Variants in LRRC37A2 observed in about 807,000 individuals in gnomAD.
LRRC37A2 encodes the protein leucine rich repeat containing 37 member A2, also known as leucine-rich repeat-containing protein 37A2.
In LRRC37A2, 9 loss-of-function variants were observed where a neutral mutation model predicts 68.8. The observed-to-expected ratio is 0.13, with a 90% CI of 0.08 to 0.23. LRRC37A2 has a LOEUF of 0.23. LRRC37A2 is among the 10% of genes least tolerant of loss of function. The pLI, the probability that LRRC37A2 is intolerant of heterozygous loss-of-function variation, is 1.00. For synonymous variants in LRRC37A2, 63 were observed against 367.6 expected, an observed-to-expected ratio of 0.17 and a Z score of 9.48; for missense variants, 168 against 950.4, an observed-to-expected ratio of 0.18 and a Z score of 10.82.
the LRRC37A2 span, chr17:46,911,472 C>T: frequency 6.6e-6 from 1 of 152,248 alleles, no homozygotes; most frequent in Non-Finnish European, 1.5e-5. Flanking sequence ...CTGGTGCTTA[C>T]ATGCCCAAGG....
the LRRC37A2 span, among the ~76,000 whole-genome samples, chr17:46,954,808 C>G: frequency 3.7e-4 from 57 of 152,298 alleles, no homozygotes; most frequent in East Asian, 6.9e-3. Flanking sequence ...GGAGTTCACT[C>G]ATGATTTGGC....
chr17:46,995,855 C>A, the LRRC37A2 span, among the ~76,000 whole-genome samples: 2 of 152,210 alleles, frequency 1.3e-5, no homozygotes, highest in Non-Finnish European at 2.9e-5. Context: ...CCTGAGTTCC[C>A]GCCTTGGTCA....
the LRRC37A2 span, among the ~76,000 whole-genome samples, chr17:46,823,166 T>TA: frequency 7.8e-6 from 1 of 128,534 alleles, no homozygotes; most frequent in Non-Finnish European, 1.6e-5. Context: ...ATATTATATA[T>TA]TATATATTTA....
At chr17:46,985,688 T>C in the LRRC37A2 span, among the ~76,000 whole-genome samples, 3 of 152,214 alleles carry the variant, frequency 2.0e-5, no homozygotes, top group East Asian at 5.8e-4. Context: ...TTTGGACATC[T>C]GTGATCTACT....
the LRRC37A2 span, among the ~76,000 whole-genome samples, chr17:46,839,089 G>A: frequency 6.6e-6 from 1 of 152,108 alleles, no homozygotes; most frequent in Non-Finnish European, 1.5e-5. Flanking sequence ...TGTTGGCCAA[G>A]CTGGTCTCGA....
the LRRC37A2 span, among the ~76,000 whole-genome samples, chr17:46,599,840 C>T: frequency 7.1e-3 from 337 of 47,218 alleles, 14 homozygotes; most frequent in African/African-American, 0.032. Context: ...CAACTCCAGC[C>T]TGGGCCACAA....
chr17:46,859,828 G>T, the LRRC37A2 span, among the ~76,000 whole-genome samples: 1 of 152,090 alleles, frequency 6.6e-6, no homozygotes, highest in African/African-American at 2.4e-5. Context: ...TTGCACACAG[G>T]CCATATCTTT....
the LRRC37A2 span, chr17:46,713,789 C>T: frequency 6.5e-7 from 1 of 1,537,842 alleles, no homozygotes; most frequent in African/African-American, 1.4e-5. Flanking sequence ...AAAGTTTAAA[C>T]TTGTTTTATT....
At chr17:46,723,495 A>T in the LRRC37A2 span, among the ~76,000 whole-genome samples, 1,727 of 152,334 alleles carry the variant, frequency 0.011, 14 homozygotes, top group Middle Eastern at 0.041. Flanking sequence ...AGGAACCATC[A>T]TTGTGTATCA....
chr17:46,900,215 A>ACT, the LRRC37A2 span, among the ~76,000 whole-genome samples: 3 of 133,064 alleles, frequency 2.3e-5, no homozygotes, highest in African/African-American at 1.0e-4. Flanking sequence ...ACACACACAC[A>ACT]CACACATATA....
the LRRC37A2 span, among the ~76,000 whole-genome samples, chr17:46,824,351 T>C: frequency 6.6e-6 from 1 of 152,146 alleles, no homozygotes; most frequent in Non-Finnish European, 1.5e-5. Flanking sequence ...TGGGTTCAAG[T>C]GATTCTCTTG....
chr17:46,770,210 C>T, the LRRC37A2 span, among the ~76,000 whole-genome samples: 2 of 152,206 alleles, frequency 1.3e-5, no homozygotes, highest in Non-Finnish European at 2.9e-5. Flanking sequence ...CCCTCTTTGG[C>T]TGGTTTAGAC....
the LRRC37A2 span, among the ~76,000 whole-genome samples, chr17:46,903,602 A>C: frequency 6.6e-6 from 1 of 152,116 alleles, no homozygotes. Flanking sequence ...ATTGGAAGGT[A>C]AGAACCATGG....
At chr17:46,920,337 G>A in the LRRC37A2 span, among the ~76,000 whole-genome samples, 1 of 152,194 alleles carries the variant, frequency 6.6e-6, no homozygotes, top group Non-Finnish European at 1.5e-5. Flanking sequence ...CAGACCATGA[G>A]AGATATGGGA....
intron 12 of LRRC37A2, chr17:46,554,285 G>A (rs2057136867): frequency 1.7e-5 from 2 of 118,348 alleles, no homozygotes; most frequent in African/African-American, 1.5e-4. Context: ...AAATTAGCTG[G>A]GTGTGGTGGC....
the LRRC37A2 span, among the ~76,000 whole-genome samples, chr17:46,995,094 G>C: frequency 6.6e-6 from 1 of 152,216 alleles, no homozygotes. Context: ...CTGCCCTCCA[G>C]TCTGGGTGAC....
At chr17:46,978,378 T>G in the LRRC37A2 span, 2 of 393,810 alleles carry the variant, frequency 5.1e-6, no homozygotes, top group East Asian at 4.4e-5. Flanking sequence ...CCGAACGTCT[T>G]AAAAAACAAA....
At chr17:46,971,205 T>C in the LRRC37A2 span, among the ~76,000 whole-genome samples, 1 of 152,050 alleles carries the variant, frequency 6.6e-6, no homozygotes, top group South Asian at 2.1e-4. Context: ...GGCATGGTGG[T>C]GGGTGCCTGT....
At chr17:46,867,670 C>T in the LRRC37A2 span, among the ~76,000 whole-genome samples, 4 of 152,160 alleles carry the variant, frequency 2.6e-5, no homozygotes, top group African/African-American at 7.2e-5. Flanking sequence ...GTCACCCCAG[C>T]GGGGCAGCTT....
Sources: gnomAD v4.1 joint callset for allele counts (sites outside exome capture counted in the v4.1 genomes callset) on GRCh38, gnomAD v4.1.1 for gene constraint, MANE v1.5 for transcripts, NCBI Gene and HGNC (gene_info 2026-07-23, HGNC 2026-07-21) for gene names.